The following ADARB1 variants were observed in gnomAD, a reference collection of about 807,000 sequenced individuals.
ADARB1 encodes double-stranded RNA-specific editase 1.
ADARB1 carries 10 observed loss-of-function variants against 52.4 expected under a neutral mutation model. The ratio of observed to expected loss-of-function variants is 0.19; its 90% CI spans 0.12 to 0.32. The LOEUF (loss-of-function observed/expected upper bound fraction) is 0.32, where lower values mean the gene tolerates loss of function less well. ADARB1 is among the 10% of genes least tolerant of loss of function. ADARB1 has a pLI of 1.00. For missense variants in ADARB1, 643 were observed against 922.3 expected (o/e 0.70, Z 3.92); for synonymous variants, 349 against 371.1 (o/e 0.94, Z 0.68).
chr21:45,076,862 C>T (rs991960190), intron 1 of ADARB1, among the ~76,000 whole-genome samples: 1 of 152,072 alleles, frequency 6.6e-6, no homozygotes, highest in Non-Finnish European at 1.5e-5. Flanking sequence ...GTTTTAGGCC[C>T]TAGGAGATAC....
chr21:45,193,458 G>A (rs1235016429), intron 8 of ADARB1, among the ~76,000 whole-genome samples: 3 of 150,874 alleles, frequency 2.0e-5, no homozygotes, highest in African/African-American at 4.9e-5. Flanking sequence ...AGGACTGAAT[G>A]TGTTTGCCTA....
intron 2 of ADARB1, among the ~76,000 whole-genome samples, chr21:45,163,709 G>T (rs1165033305): frequency 6.6e-6 from 1 of 152,238 alleles, no homozygotes; most frequent in Non-Finnish European, 1.5e-5. Flanking sequence ...GGCTGCTGGG[G>T]CCTATGGGAG....
chr21:45,209,004 G>A (rs2092718499), intron 9 of ADARB1, among the ~76,000 whole-genome samples: 1 of 152,030 alleles, frequency 6.6e-6, no homozygotes, highest in Admixed American at 6.5e-5. Flanking sequence ...CTTCCGACTG[G>A]TGGGAAGTTC....
At chr21:45,116,329 C>T (rs534085281) in intron 1 of ADARB1, among the ~76,000 whole-genome samples, 3 of 152,366 alleles carry the variant, frequency 2.0e-5, no homozygotes, top group African/African-American at 7.2e-5. Flanking sequence ...CTTGCCTCGG[C>T]TGCTAAGTCT....
intron 8 of ADARB1, among the ~76,000 whole-genome samples, chr21:45,195,805 TTACTC>T (rs1474733143): frequency 2.0e-5 from 3 of 152,340 alleles, no homozygotes; most frequent in African/African-American, 4.8e-5. Flanking sequence ...GCTGTCCTGA[TTACTC>T]TAGTATAGTA....
chr21:45,146,191 G>A (rs966800662), intron 2 of ADARB1: 2 of 151,718 alleles, frequency 1.3e-5, no homozygotes, highest in Non-Finnish European at 2.9e-5. Context: ...CCTGTGGTGG[G>A]GTTATGGTTT....
chr21:45,088,979 G>A (rs2086455774), intron 1 of ADARB1, among the ~76,000 whole-genome samples: 1 of 152,142 alleles, frequency 6.6e-6, no homozygotes, highest in African/African-American at 2.4e-5. Context: ...TCCAGGTCAT[G>A]AACACTGGAA....
At chr21:45,150,669 C>A (rs1411962286) in intron 2 of ADARB1, among the ~76,000 whole-genome samples, 1 of 152,150 alleles carries the variant, frequency 6.6e-6, no homozygotes, top group Non-Finnish European at 1.5e-5. Flanking sequence ...CCCACCCTAA[C>A]GAGAAGTGAA....
intron 1 of ADARB1, among the ~76,000 whole-genome samples, chr21:45,124,063 A>AT (rs2088388409): frequency 6.6e-6 from 1 of 152,238 alleles, no homozygotes; most frequent in Non-Finnish European, 1.5e-5. Flanking sequence ...AATGAAGTGG[A>AT]TTACATAAAT....
At position 45,142,288 on chromosome 21, in the gene ADARB1, T is replaced by C. The variant is rs957603880; in HGVS notation, c.-48+13715T>C. Among the ~76,000 whole-genome samples the C allele has an allele frequency of 2.0e-5, 3 of 152,242 alleles. No homozygotes were observed. Among genetic ancestry groups the C allele is most frequent in the African/African-American group, 7.2e-5 (3 of 41,460 alleles). ...ATACTCATTTGAGAAGTGTAGACTT[T>C]GATTTTTAACCCTAAGTTGCATGGT... On this transcript the variant is annotated intron_variant, in intron 2 of 10. Transcript: ENST00000348831. The surrounding 1 kb of genome is among the most constrained non-coding windows in gnomAD (Gnocchi z 4.0).
At chr21:45,093,760 G>C (rs79051406) in intron 1 of ADARB1, among the ~76,000 whole-genome samples, 2,145 of 152,244 alleles carry the variant, frequency 0.014, 48 homozygotes, top group African/African-American at 0.05. Flanking sequence ...TTCCGGCCAA[G>C]GGCTTCTTCT....
At chr21:45,126,566 G>A (rs1235867406) in intron 1 of ADARB1, among the ~76,000 whole-genome samples, 4 of 152,028 alleles carry the variant, frequency 2.6e-5, no homozygotes, top group Non-Finnish European at 5.9e-5. Flanking sequence ...TTGTGTCCTC[G>A]TCCTGTCCTC....
At chr21:45,136,504 G>A (rs1459157981) in intron 2 of ADARB1, among the ~76,000 whole-genome samples, 1 of 152,256 alleles carries the variant, frequency 6.6e-6, no homozygotes, top group East Asian at 1.9e-4. Flanking sequence ...CCGGCACCAT[G>A]TTTCAGAACC....
At position 45,225,019 on chromosome 21, in the gene ADARB1, A is replaced by G. The variant is rs2093039351; in HGVS notation, c.*2822A>G. 1 of 985,486 alleles carries G rather than the reference A, an allele frequency of 1.0e-6. No individual in the cohort carries two copies. Among genetic ancestry groups the G allele is most frequent in the South Asian group, 4.7e-5 (1 of 21,288 alleles). The allele number at this position is 985,486 out of a possible 1,614,324, so 61.0% of individuals were successfully genotyped here. On this transcript the variant is annotated 3_prime_UTR_variant, in exon 11 of 11. Coordinates refer to ENST00000348831, the MANE Select transcript of ADARB1 (RefSeq NM_001112.4). ...AGCAGGAACTTGATTTTTTAAGAAAAAATATTACATTTTGAGGACATTTTG... is the reference window on the plus strand; with the variant it reads ...AGCAGGAACTTGATTTTTTAAGAAAGAATATTACATTTTGAGGACATTTTG...
chr21:45,159,626 C>T (rs1003667993), intron 2 of ADARB1, among the ~76,000 whole-genome samples: 2 of 152,174 alleles, frequency 1.3e-5, no homozygotes, highest in Non-Finnish European at 2.9e-5. Context: ...AGAGGGGTGG[C>T]CGCATCCCTC....
intron 4 of ADARB1, chr21:45,177,526 C>G (rs2091751946): frequency 6.6e-6 from 1 of 152,232 alleles, no homozygotes. Flanking sequence ...CTAAAACTCT[C>G]TGATTATGTA....
At chr21:45,185,598 G>A (rs769953687) in intron 8 of ADARB1, among the ~76,000 whole-genome samples, 40 of 152,128 alleles carry the variant, frequency 2.6e-4, no homozygotes, top group Non-Finnish European at 5.3e-4. Flanking sequence ...CTTAGAGGAG[G>A]GCTCTGCAAG....
At chr21:45,195,328 C>A (rs1473452870) in intron 8 of ADARB1, among the ~76,000 whole-genome samples, 1 of 152,048 alleles carries the variant, frequency 6.6e-6, no homozygotes, top group African/African-American at 2.4e-5. Context: ...TCAGATATGT[C>A]TTTTGCAAAT....
intron 8 of ADARB1, among the ~76,000 whole-genome samples, chr21:45,188,728 C>A (rs2092192517): frequency 6.6e-6 from 1 of 151,916 alleles, no homozygotes. Flanking sequence ...TTGCTGTTTT[C>A]TATATGCTTG....
Sources: gnomAD v4.1 joint callset for allele counts (sites outside exome capture counted in the v4.1 genomes callset) on GRCh38, gnomAD v4.1.1 for gene constraint, Gnocchi (gnomAD v3.1) non-coding constraint, MANE v1.5 for transcripts, NCBI Gene and HGNC (gene_info 2026-07-23, HGNC 2026-07-21) for gene names.